Variants in DZANK1 observed in about 807,000 individuals in gnomAD.
The protein encoded by DZANK1 is double zinc ribbon and ankyrin repeat domains 1.
In DZANK1, 91 loss-of-function variants were observed where a neutral mutation model predicts 94.5. The observed-to-expected ratio is 0.96, with a 90% confidence interval of 0.81 to 1.15. DZANK1 has a LOEUF of 1.15. Among genes scored for constraint, DZANK1 ranks in the 50% most tolerant of loss-of-function variants. The pLI, the probability that DZANK1 is intolerant of heterozygous loss-of-function variation, is 0.00. For missense variants in DZANK1, 903 were observed against 916.4 expected, an observed-to-expected ratio of 0.99 and a Z score of 0.19; for synonymous variants, 312 against 325.3, an observed-to-expected ratio of 0.96 and a Z score of 0.44.
chr20:18,431,020 G>A (rs1423659152), intron 9 of DZANK1, among the ~76,000 whole-genome samples: 1 of 152,036 alleles, frequency 6.6e-6, no homozygotes, highest in Non-Finnish European at 1.5e-5. Context: ...AGCTGCTAAC[G>A]TTGGTTATTT....
exon 10 of DZANK1, chr20:18,427,084 G>T (rs1310697991): frequency 1.9e-6 from 3 of 1,611,212 alleles, no homozygotes. Context: ...GATGAAGGCA[G>T]GGCCCCCTCA....
intron 2 of DZANK1, among the ~76,000 whole-genome samples, chr20:18,462,614 T>G (rs2059507843): frequency 6.6e-6 from 1 of 152,074 alleles, no homozygotes; most frequent in South Asian, 2.1e-4. Context: ...TAACAGATGT[T>G]GCAGAGAAAA....
chr20:18,453,033 T>C (rs745911738), intron 5 of DZANK1, among the ~76,000 whole-genome samples: 7 of 152,212 alleles, frequency 4.6e-5, no homozygotes, highest in Non-Finnish European at 8.8e-5. Flanking sequence ...GGAAATATTA[T>C]ATCTCCCAAG....
chr20:18,429,729 A>G (rs1473038196), intron 9 of DZANK1, among the ~76,000 whole-genome samples: 2 of 152,240 alleles, frequency 1.3e-5, no homozygotes, highest in Non-Finnish European at 2.9e-5. Context: ...CGTCAGGTCT[A>G]TTAAACGTAG....
exon 14 of DZANK1, chr20:18,398,603 G>A: frequency 6.2e-7 from 1 of 1,613,984 alleles, no homozygotes; most frequent in Non-Finnish European, 8.5e-7. Context: ...GCAGAGATGT[G>A]ATCCAGCTGT....
In DZANK1 at chr20:18,464,079, C is replaced by CT. The variant is rs539384962; in HGVS notation, c.109+1170dup. On this transcript the variant is annotated intron_variant, in intron 2 of 20. Transcript: ENST00000262547. ...ACTGCTTTATTTCTTTTTTCTTTTT[C>CT]TTTTTTTTTTTTGAGATGGAGTCTT... Among the ~76,000 whole-genome samples the CT allele has an allele frequency of 4.1e-3, 599 of 144,884 alleles. 2 individuals are homozygous for CT. The highest frequency in any genetic ancestry group is 0.011 in the African/African-American group (441 of 39,844).
chr20:18,414,256 T>C (rs2057384451), intron 12 of DZANK1, 92 bp downstream of exon 12: 2 of 1,460,342 alleles, frequency 1.4e-6, no homozygotes, highest in Middle Eastern at 2.5e-4. Flanking sequence ...GTTTTGGGTC[T>C]CTTCCCCGGG....
chr20:18,459,350 C>T (rs2059396058), intron 3 of DZANK1, among the ~76,000 whole-genome samples: 1 of 152,106 alleles, frequency 6.6e-6, no homozygotes, highest in Non-Finnish European at 1.5e-5. Context: ...CCAAGGCAAT[C>T]ATGTTTGCTG....
At chr20:18,390,410 C>G in exon 18 of DZANK1, 1 of 1,613,994 alleles carries the variant, frequency 6.2e-7, no homozygotes, top group Non-Finnish European at 8.5e-7. Context: ...CACAGAGACT[C>G]TTCCTTCCCC....
In DZANK1 at chr20:18,460,139, T is replaced by G; in HGVS notation, c.263+14A>C. The G allele has an allele frequency of 6.9e-7, 1 of 1,458,538 alleles. No homozygotes were observed. Among genetic ancestry groups the G allele is most frequent in the Non-Finnish European group, 9.2e-7 (1 of 1,084,188 alleles). The allele number at this position is 1,458,538 out of a possible 1,614,324, so 90.3% of individuals were successfully genotyped here. ...ATATCATAAATTAAATTAATCACCATGCTCTTAACTTACTTAGAGACAGCA... is the reference window on the plus strand; with the variant it reads ...ATATCATAAATTAAATTAATCACCAGGCTCTTAACTTACTTAGAGACAGCA... On this transcript the variant is annotated intron_variant, in intron 3 of 20. Coordinates refer to ENST00000262547, the Ensembl canonical transcript of DZANK1.
At chr20:18,455,511 T>G in intron 3 of DZANK1, 150 bp from the exon 4 acceptor site, 1 of 666,060 alleles carries the variant, frequency 1.5e-6, no homozygotes, top group Non-Finnish European at 2.6e-6. Flanking sequence ...ATTTCTATAG[T>G]CTTTCCTGAC....
chr20:18,440,218 T>C (rs1386486393), intron 8 of DZANK1, among the ~76,000 whole-genome samples: 3 of 152,176 alleles, frequency 2.0e-5, no homozygotes, highest in East Asian at 3.9e-4. Context: ...ACACAGTCTG[T>C]GGGGTTTTGC....
intron 10 of DZANK1, chr20:18,420,781 A>T: frequency 5.5e-6 from 1 of 180,806 alleles, no homozygotes; most frequent in Non-Finnish European, 1.2e-5. Context: ...GTTGGTTTTA[A>T]TAGGAAAATC....
chr20:18,441,907 G>A lies in DZANK1; in HGVS notation c.747+1440C>T, dbSNP rs1202624994. On this transcript the variant is annotated intron_variant, in intron 8 of 20. Coordinates refer to ENST00000262547, the Ensembl canonical transcript of DZANK1. The surrounding 1 kb of genome is among the most constrained non-coding windows in gnomAD (Gnocchi z 4.1). ...CCATGGGACAACACTGAAATTCACA[G>A]GGTTCAGCACAACTGGGTGTCCTAC... Among the ~76,000 whole-genome samples, 1 of 152,200 alleles carries A rather than the reference G, an allele frequency of 6.6e-6. No homozygotes were observed. The highest frequency in any genetic ancestry group is 1.5e-5 in the Non-Finnish European group (1 of 68,032).
intron 14 of DZANK1, 142 bp downstream of exon 14, chr20:18,398,381 G>T: frequency 1.4e-6 from 1 of 714,942 alleles, no homozygotes. Context: ...GAGCTCACAA[G>T]GCAGAAGAGT....
intron 12 of DZANK1, 43 bp downstream of exon 12, chr20:18,414,305 G>A: frequency 1.2e-6 from 2 of 1,606,684 alleles, no homozygotes; most frequent in Non-Finnish European, 1.7e-6. Context: ...CAGAGTTACA[G>A]CCTCTTCCTG....
intron 1 of DZANK1, among the ~76,000 whole-genome samples, chr20:18,466,391 T>C (rs1049350641): frequency 6.6e-6 from 1 of 152,216 alleles, no homozygotes; most frequent in Admixed American, 6.5e-5. Flanking sequence ...AGTTTGAGCT[T>C]TGTCACAGAC....
At chr20:18,420,403 G>A (rs987462374) in intron 10 of DZANK1, 5 of 160,886 alleles carry the variant, frequency 3.1e-5, no homozygotes, top group Middle Eastern at 5.2e-4. Context: ...ACCTAGCAAC[G>A]GCATGCATTC....
At chr20:18,424,297 A>G (rs1242187907) in intron 10 of DZANK1, among the ~76,000 whole-genome samples, 1 of 152,006 alleles carries the variant, frequency 6.6e-6, no homozygotes, top group African/African-American at 2.4e-5. Context: ...TAAAAATACA[A>G]CAAAAAAATT....
Sources: allele counts gnomAD v4.1 joint callset (sites outside exome capture counted in the v4.1 genomes callset), GRCh38; gene constraint gnomAD v4.1.1; non-coding constraint Gnocchi (gnomAD v3.1); transcripts MANE v1.5; gene names NCBI Gene and HGNC (gene_info 2026-07-23, HGNC 2026-07-21).